The following UBA52 variants were observed in gnomAD, a reference collection of about 807,000 sequenced individuals.
UBA52 encodes ubiquitin-ribosomal protein eL40 fusion protein.
UBA52 carries 1 observed loss-of-function variant against 15.3 expected under a neutral mutation model. The observed-to-expected ratio is 0.07, with a 90% confidence interval of 0.02 to 0.31. The LOEUF (loss-of-function observed/expected upper bound fraction) is 0.31. Among genes scored for constraint, UBA52 ranks in the 10% least tolerant of loss-of-function variants. The probability of loss-of-function intolerance (pLI) is 1.00; values close to 1 mark genes in which losing one functional copy is unlikely to be tolerated. For missense variants in UBA52, 87 were observed against 168.0 expected, an observed-to-expected ratio of 0.52 and a Z score of 2.66; for synonymous variants, 50 against 58.3, an observed-to-expected ratio of 0.86 and a Z score of 0.65.
Position 18,574,909 on chromosome 19 carries a change from T to C in UBA52, c.230T>C (p.Ile77Thr). 6.2e-7 allele frequency: 1 copy of C among 1,614,072 alleles called. No homozygotes were observed. Among genetic ancestry groups the C allele is most frequent in the Non-Finnish European group, 8.5e-7 (1 of 1,180,026 alleles). The change falls in exon 4 of 5, where the codon ATT becomes ACT. Residue 77 changes from isoleucine (I) to threonine (T), a missense_variant. Ile to Thr is a moderately conservative substitution (Grantham distance 89, BLOSUM62 -1). Transcript: ENST00000442744. ...CTGGTGTTGCGCCTGCGAGGTGGCA[T>C]TATTGAGCCTTCTCTCCGCCAGCTT... Reference protein sequence around the residue: ...LHLVLRLRGGIIEPSLRQLAQ... With the variant: ...LHLVLRLRGGTIEPSLRQLAQ...
rs982136072 is a variant in UBA52 at position 18,575,423 on chromosome 19, G to C, written c.*273G>C. ...TGGATTTGTCATCTGTAAAACTGGA[G>C]TAAAAACCTCAGTCGTGTAATTGGT... On this transcript the variant is annotated 3_prime_UTR_variant, in exon 5 of 5. Transcript: ENST00000442744. 4.3e-6 allele frequency: 2 copies of C among 463,978 alleles called. No homozygotes were observed. Among genetic ancestry groups the C allele is most frequent in the Non-Finnish European group, 7.9e-6 (2 of 252,262 alleles). The allele number at this position is 463,978 out of a possible 1,614,324, so 28.7% of individuals were successfully genotyped here.
upstream of UBA52, among the ~76,000 whole-genome samples, chr19:18,570,126 G>A (rs2145271015): frequency 6.6e-6 from 1 of 152,288 alleles, no homozygotes; most frequent in East Asian, 1.9e-4. Flanking sequence ...AAATGTTCAA[G>A]GAAATAAACA....
At chr19:18,568,678 AG>A (rs1975382649), upstream of UBA52, 1 of 1,456,982 alleles carries the variant, frequency 6.9e-7, no homozygotes, top group African/African-American at 1.4e-5. Context: ...GCAGCATACA[AG>A]GTGGCAGCGG....
At chr19:18,570,186 C>T (rs1450036223), upstream of UBA52, among the ~76,000 whole-genome samples, 2 of 148,012 alleles carry the variant, frequency 1.4e-5, no homozygotes, top group Non-Finnish European at 3.0e-5. Flanking sequence ...CCCATCTTCT[C>T]TGTACTCAGC....
In UBA52 at chr19:18,574,948, A is replaced by G. The variant is rs1183534574; in HGVS notation, c.269A>G (p.Asn90Ser). ...CTCCGCCAGCTTGCCCAGAAATACA[A>G]CTGCGACAAGATGATCTGCCGCAAG... ...PSLRQLAQKY[N>S]CDKMICRKCY... The change falls in exon 4 of 5, where the codon AAC becomes AGC. Residue 90 changes from asparagine (N) to serine (S), a missense_variant. Physicochemically the swap from Asn to Ser is conservative, Grantham distance 46. Transcript: ENST00000442744. The G allele has an allele frequency of 1.2e-6, 2 of 1,614,068 alleles. No individual in the cohort carries two copies. Among genetic ancestry groups the G allele is most frequent in the Admixed American group, 1.7e-5 (1 of 60,008 alleles).
intron 3 of UBA52, among the ~76,000 whole-genome samples, chr19:18,574,612 C>T (rs1366779964): frequency 3.3e-5 from 5 of 152,186 alleles, no homozygotes; most frequent in African/African-American, 1.2e-4. Flanking sequence ...ATGTTAGAAA[C>T]CCAGATGGAT....
Position 18,575,044 on chromosome 19 carries a change from T to C in UBA52, c.294-13T>C. On this transcript the variant is annotated splice_polypyrimidine_tract_variant and intron_variant, in intron 4 of 4. Coordinates refer to ENST00000442744, the MANE Select transcript of UBA52 (RefSeq NM_001033930.3). ...GGGGTATGCCCTCACCCACCCCTCCTGTCTCTGTGCAGGTGCTATGCTCGC... is the reference window on the plus strand; with the variant it reads ...GGGGTATGCCCTCACCCACCCCTCCCGTCTCTGTGCAGGTGCTATGCTCGC... 1 of 1,614,170 alleles carries C rather than the reference T, an allele frequency of 6.2e-7. No homozygotes were observed. Among genetic ancestry groups the C allele is most frequent in the Non-Finnish European group, 8.5e-7 (1 of 1,180,006 alleles).
intron 1 of UBA52, 21 bp from the exon 2 acceptor site, chr19:18,573,272 C>T (rs1445807706): frequency 6.2e-7 from 1 of 1,609,944 alleles, no homozygotes; most frequent in Non-Finnish European, 8.5e-7. Context: ...CCAGTCTATC[C>T]TGCCTCCCTT....
upstream of UBA52, chr19:18,567,238 C>T (rs756162368): frequency 1.1e-5 from 18 of 1,567,932 alleles, 1 homozygote; most frequent in Admixed American, 2.0e-4. Flanking sequence ...CCAGGGCAGG[C>T]TTCTGGAAGG....
At chr19:18,567,666 T>G (rs1231683322), upstream of UBA52, among the ~76,000 whole-genome samples, 1 of 152,158 alleles carries the variant, frequency 6.6e-6, no homozygotes, top group Non-Finnish European at 1.5e-5. Context: ...GCTAGAGAGC[T>G]CGCGTGTTCT....
At chr19:18,570,781 G>T (rs569840532), upstream of UBA52, among the ~76,000 whole-genome samples, 1 of 151,644 alleles carries the variant, frequency 6.6e-6, no homozygotes, top group Admixed American at 6.6e-5. Flanking sequence ...TCTGCCTCCC[G>T]GGTTCAAGCG....
In UBA52 at chr19:18,576,902, T is replaced by A. The variant is rs991667373; in HGVS notation, c.*1752T>A. The A allele has an allele frequency of 6.6e-6, 1 of 152,036 alleles. No individual in the cohort carries two copies. The highest frequency in any genetic ancestry group is 2.4e-5 in the African/African-American group (1 of 41,470). The allele number at this position is 152,036 out of a possible 1,614,324, so 9.4% of individuals were successfully genotyped here. ...AGGCTGGTCTTGAACTACTGACCTCTTGTGATCTACCTGTCTTGGCCTTCC... is the reference window on the plus strand; with the variant it reads ...AGGCTGGTCTTGAACTACTGACCTCATGTGATCTACCTGTCTTGGCCTTCC... On this transcript the variant is annotated 3_prime_UTR_variant, in exon 5 of 5. Coordinates refer to ENST00000442744, the MANE Select transcript of UBA52 (RefSeq NM_001033930.3).
chr19:18,564,818 G>A, the UBA52 span: 4 of 1,603,156 alleles, frequency 2.5e-6, no homozygotes, highest in Non-Finnish European at 2.6e-6. Flanking sequence ...GCCAGGTTGG[G>A]CAGGGCCCTG....
upstream of UBA52, among the ~76,000 whole-genome samples, chr19:18,571,178 C>T (rs1161921791): frequency 6.6e-6 from 1 of 151,692 alleles, no homozygotes; most frequent in Non-Finnish European, 1.5e-5. Flanking sequence ...GGCATGGTGT[C>T]GCACACTTGT....
the UBA52 span, among the ~76,000 whole-genome samples, chr19:18,566,657 G>GTGGCAC: frequency 2.6e-5 from 4 of 151,998 alleles, no homozygotes; most frequent in African/African-American, 7.3e-5. Context: ...GCTGAGCATG[G>GTGGCAC]TGGCACGTGC....
intron 3 of UBA52, 103 bp from the exon 4 acceptor site, chr19:18,574,765 TCA>T: frequency 7.1e-7 from 1 of 1,414,076 alleles, no homozygotes; most frequent in Non-Finnish European, 9.6e-7. Context: ...GGTGTCCCCA[TCA>T]CACTTGAGAA....
upstream of UBA52, chr19:18,568,499 A>G (rs775989360): frequency 6.8e-6 from 11 of 1,613,962 alleles, no homozygotes; most frequent in Middle Eastern, 1.6e-4. Context: ...GCACGGGCTC[A>G]TGTGACACCA....
At chr19:18,563,870 C>T in the UBA52 span, among the ~76,000 whole-genome samples, 1 of 151,496 alleles carries the variant, frequency 6.6e-6, no homozygotes, top group Non-Finnish European at 1.5e-5. Context: ...ATCCACCCTG[C>T]CTCAACCTCC....
chr19:18,571,031 GAC>G (rs1975460652), upstream of UBA52, among the ~76,000 whole-genome samples: 1 of 150,864 alleles, frequency 6.6e-6, no homozygotes. Flanking sequence ...ACTGAAAAGA[GAC>G]ACTGCAGTGG....
Sources: allele counts gnomAD v4.1 joint callset (sites outside exome capture counted in the v4.1 genomes callset), GRCh38; gene constraint gnomAD v4.1.1; transcripts MANE v1.5; gene names NCBI Gene and HGNC (gene_info 2026-07-23, HGNC 2026-07-21).